The following PCDH15 variants were observed in gnomAD, a reference collection of about 807,000 sequenced individuals.
The protein encoded by PCDH15 is protocadherin related 15.
A neutral mutation model predicts 178.5 loss-of-function variants in PCDH15; 129 were observed. The observed-to-expected ratio is 0.72, with a 90% CI of 0.63 to 0.84. The LOEUF (loss-of-function observed/expected upper bound fraction) is 0.84. Ranked by LOEUF, PCDH15 falls within the 40% of genes least tolerant of loss-of-function variation. The pLI, the probability that PCDH15 is intolerant of heterozygous loss-of-function variation, is 0.00. For missense variants in PCDH15, 2,230 were observed against 2,099.9 expected (o/e 1.06, Z -1.21); for synonymous variants, 800 against 732.0 (o/e 1.09, Z -1.50).
chr10:54,894,195 T>C (rs1428780882), intron 3 of PCDH15, among the ~76,000 whole-genome samples: 1 of 152,104 alleles, frequency 6.6e-6, no homozygotes. Flanking sequence ...ACTAATACAA[T>C]GTATTGTCAA....
At chr10:55,534,154 A>G (rs929940564) in intron 2 of PCDH15, among the ~76,000 whole-genome samples, 2 of 152,074 alleles carry the variant, frequency 1.3e-5, no homozygotes, top group African/African-American at 4.8e-5. Context: ...TACCCTTCTC[A>G]ACATTAATCT....
intron 26 of PCDH15, among the ~76,000 whole-genome samples, chr10:53,901,983 G>C (rs544136542): frequency 2.6e-5 from 4 of 152,170 alleles, no homozygotes; most frequent in Non-Finnish European, 5.9e-5. Flanking sequence ...AACTTTGTTT[G>C]TTTGTTTGCT....
At position 54,119,243 on chromosome 10, in the gene PCDH15, A is replaced by G. The variant is rs565771633; in HGVS notation, c.1917+13632T>C. Among the ~76,000 whole-genome samples the G allele has an allele frequency of 3.4e-4, 52 of 152,260 alleles. 4 individuals are homozygous for G. In the South Asian group the frequency reaches 0.011, roughly 32 times the overall value. On this transcript the variant is annotated intron_variant, in intron 15 of 37. Transcript: ENST00000644397. ...AAACAAACTTGAAAATTAACACACAAAAAAATTCTAAAGCAATTCAGGAAT... is the reference window on the plus strand; with the variant it reads ...AAACAAACTTGAAAATTAACACACAGAAAAATTCTAAAGCAATTCAGGAAT...
intron 2 of PCDH15, among the ~76,000 whole-genome samples, chr10:55,341,893 C>T (rs1844610174): frequency 7.0e-6 from 1 of 142,352 alleles, no homozygotes; most frequent in Admixed American, 7.2e-5. Flanking sequence ...GTGATCTGCC[C>T]ACCTCAGCCA....
intron 9 of PCDH15, among the ~76,000 whole-genome samples, chr10:54,236,167 T>C (rs1385590158): frequency 6.6e-6 from 1 of 152,196 alleles, no homozygotes; most frequent in Non-Finnish European, 1.5e-5. Context: ...TGCATCTGTC[T>C]GTCTAGAGGC....
chr10:54,395,587 C>T (rs191924679), intron 3 of PCDH15, among the ~76,000 whole-genome samples: 201 of 151,748 alleles, frequency 1.3e-3, no homozygotes, highest in African/African-American at 4.5e-3. Flanking sequence ...TGTTATGCAT[C>T]GTTTTGATTA....
rs568481273 is a variant in PCDH15 at position 53,881,654 on chromosome 10, T to C, written c.3502-14797A>G. Among the ~76,000 whole-genome samples, 145 of 152,314 alleles carry C rather than the reference T, an allele frequency of 9.5e-4. 1 individual carries two copies. The highest frequency in any genetic ancestry group is 3.3e-3 in the African/African-American group (138 of 41,566). On this transcript the variant is annotated intron_variant, in intron 26 of 37. Coordinates refer to ENST00000644397, the MANE Select transcript of PCDH15 (RefSeq NM_001384140.1). The stretch of plus-strand genomic sequence containing the variant: ...CATTGAAAAAAACCAAGCCACCATG[T>C]ATTTATATTCTTAAGAATAATATTT...
intron 24 of PCDH15, among the ~76,000 whole-genome samples, chr10:53,939,714 G>A (rs901283360): frequency 6.6e-6 from 1 of 152,006 alleles, no homozygotes; most frequent in African/African-American, 2.4e-5. Context: ...GTGGCTAGAA[G>A]AGTAGTTAAT....
At chr10:54,346,061 A>G (rs1943225886) in intron 6 of PCDH15, among the ~76,000 whole-genome samples, 1 of 152,040 alleles carries the variant, frequency 6.6e-6, no homozygotes, top group Admixed American at 6.6e-5. Context: ...GACACTTGTT[A>G]TCTCATCTCC....
At chr10:55,456,010 A>T (rs2132086648) in intron 2 of PCDH15, among the ~76,000 whole-genome samples, 1 of 152,222 alleles carries the variant, frequency 6.6e-6, no homozygotes, top group African/African-American at 2.4e-5. Context: ...TAACAGTTTC[A>T]ACCAATCACA....
chr10:54,070,213 G>C (rs1331261908), intron 17 of PCDH15, among the ~76,000 whole-genome samples: 1 of 152,060 alleles, frequency 6.6e-6, no homozygotes, highest in Non-Finnish European at 1.5e-5. Flanking sequence ...TTGTTTGTTT[G>C]TTTGTTTTGA....
chr10:54,756,056 AACACACACACAC>A (rs71014414), intron 1 of PCDH15, among the ~76,000 whole-genome samples: 1 of 71,676 alleles, frequency 1.4e-5, no homozygotes, highest in African/African-American at 4.4e-5. Flanking sequence ...CTCTACTAAA[AACACACACACAC>A]ACACACACAC....
At position 54,998,094 on chromosome 10, in the gene PCDH15, A is replaced by G. The variant is rs1839690988; in HGVS notation, c.-79-100594T>C. ...TTCTGTATATAAAATGTGCCAAAGA[A>G]GATATGTTCTTATTGAAAAAAACAA... On this transcript the variant is annotated intron_variant, in intron 2 of 5. Transcript: ENST00000458638. 2.6e-5 allele frequency among the ~76,000 whole-genome samples: 4 copies of G among 152,136 alleles called. No homozygotes were observed. In the South Asian group the frequency reaches 8.3e-4, roughly 31 times the overall value.
intron 2 of PCDH15, among the ~76,000 whole-genome samples, chr10:55,565,252 T>G (rs1481509302): frequency 6.6e-6 from 1 of 151,588 alleles, no homozygotes; most frequent in Non-Finnish European, 1.5e-5. Flanking sequence ...AATTACCAAT[T>G]GATCAAAGAA....
rs562326800 is a variant in PCDH15 at position 55,447,200 on chromosome 10, A to G, written c.-156+180425T>C. ...ACTTTCTGGAGGCATTGGTAAGTGT[A>G]GTAAACGTTTTCATATAAACCATAA... On this transcript the variant is annotated intron_variant, in intron 2 of 5. Coordinates refer to the PCDH15 transcript ENST00000613346. Among the ~76,000 whole-genome samples, 190 of 152,238 alleles carry G rather than the reference A, an allele frequency of 1.2e-3. 2 individuals carry two copies. Among genetic ancestry groups the G allele is most frequent in the African/African-American group, 4.3e-3 (180 of 41,564 alleles).
At chr10:55,162,756 T>G (rs1839097775) in intron 2 of PCDH15, among the ~76,000 whole-genome samples, 1 of 152,126 alleles carries the variant, frequency 6.6e-6, no homozygotes, top group Non-Finnish European at 1.5e-5. Flanking sequence ...AGACCAGATG[T>G]CTTCCTATTG....
intron 20 of PCDH15, among the ~76,000 whole-genome samples, chr10:54,000,721 G>A (rs1436620141): frequency 1.3e-5 from 2 of 151,988 alleles, no homozygotes. Context: ...AAATGTAAGT[G>A]TTATTGGCAT....
chr10:54,453,663 A>C (rs56247836), intron 3 of PCDH15, among the ~76,000 whole-genome samples: 1 of 150,716 alleles, frequency 6.6e-6, no homozygotes, highest in Non-Finnish European at 1.5e-5. Context: ...ATTTTAAAAA[A>C]AAGAAAAAAA....
chr10:55,403,670 A>G (rs1352656574), intron 2 of PCDH15, among the ~76,000 whole-genome samples: 1 of 151,692 alleles, frequency 6.6e-6, no homozygotes, highest in Admixed American at 6.6e-5. Context: ...TAGGTTCTCT[A>G]TTGGTCTAGG....
Sources: allele counts gnomAD v4.1 joint callset (sites outside exome capture counted in the v4.1 genomes callset), GRCh38; gene constraint gnomAD v4.1.1; transcripts MANE v1.5; gene names NCBI Gene and HGNC (gene_info 2026-07-23, HGNC 2026-07-21).